The following CCDC88C variants were observed in gnomAD, a reference collection of about 807,000 sequenced individuals.
CCDC88C encodes the protein protein Daple.
In CCDC88C, 131 loss-of-function variants were observed where a neutral mutation model predicts 198.8. The ratio of observed to expected loss-of-function variants is 0.66; its 90% CI spans 0.57 to 0.76. The LOEUF is 0.76. CCDC88C is among the 30% of genes least tolerant of loss of function. The pLI, the probability that CCDC88C is intolerant of heterozygous loss-of-function variation, is 0.00. For missense variants in CCDC88C, 2,553 were observed against 2,631.6 expected (o/e 0.97, Z 0.65); for synonymous variants, 1,166 against 1,114.7 (o/e 1.05, Z -0.92).
intron 10 of CCDC88C, among the ~76,000 whole-genome samples, chr14:91,332,563 C>T (rs560403122): frequency 3.3e-5 from 5 of 152,350 alleles, no homozygotes; most frequent in South Asian, 2.1e-4. Flanking sequence ...GCTCTCCCTT[C>T]GGTGATGCAC....
rs182447853 is a variant in CCDC88C, at chr14:91,304,603, G to A, written c.3358-625C>T. Among the ~76,000 whole-genome samples, 6 of 151,778 alleles carry A rather than the reference G, an allele frequency of 4.0e-5. No homozygotes were observed. The East Asian group carries it at 1.2e-3, about 30-fold the overall frequency. On this transcript the variant is annotated intron_variant, in intron 19 of 29. Transcript: ENST00000389857. ...AACCCTGTCTCTTACAATGAAAACA[G>A]AACCTATTTTCTAGAACAAGTATAC...
intron 4 of CCDC88C, among the ~76,000 whole-genome samples, chr14:91,357,692 C>T (rs1894102533): frequency 1.3e-5 from 2 of 152,268 alleles, no homozygotes; most frequent in Admixed American, 1.3e-4. Context: ...CCCAAATAAA[C>T]TAGGAAGGTG....
At chr14:91,282,201 G>A (rs1431950612) in intron 26 of CCDC88C, among the ~76,000 whole-genome samples, 1 of 152,190 alleles carries the variant, frequency 6.6e-6, no homozygotes, top group Non-Finnish European at 1.5e-5. Context: ...TGGAGTGGGA[G>A]GGTCCCTTGA....
chr14:91,368,135 CTT>C (rs1355178105), intron 3 of CCDC88C, among the ~76,000 whole-genome samples: 11 of 152,164 alleles, frequency 7.2e-5, no homozygotes, highest in Admixed American at 3.3e-4. Context: ...TTAAAAACCT[CTT>C]TTGTGGAGGA....
chr14:91,379,701 C>A, intron 3 of CCDC88C: 1 of 625,036 alleles, frequency 1.6e-6, no homozygotes, highest in South Asian at 1.9e-5. Context: ...GTCAGTGCCA[C>A]TCCCAGAAGA....
At position 91,339,737 on chromosome 14, in the gene CCDC88C, G is replaced by T; in HGVS notation, c.624+147C>A. On this transcript the variant is annotated intron_variant, in intron 7 of 29. Transcript: ENST00000389857. This position sits in a 1 kb window ranked among gnomAD's most constrained non-coding sequence, Gnocchi z 5.8. ...CCCGAGGTGACCATGCACTGCAGGG[G>T]CCGTAACCAGGGAAAGCACGCACGT... The T allele has an allele frequency of 9.6e-7, 1 of 1,044,584 alleles. No homozygotes were observed. Among genetic ancestry groups the T allele is most frequent in the Non-Finnish European group, 1.3e-6 (1 of 741,814 alleles). 64.7% of individuals were successfully genotyped at this position (1,044,584 alleles called of 1,614,324 possible). A position where few individuals can be genotyped will look rare whatever the true frequency, so the allele number is the denominator to read the frequency against.
intron 16 of CCDC88C, 56 bp from the exon 17 acceptor site, chr14:91,308,548 C>A: frequency 6.4e-7 from 1 of 1,556,762 alleles, no homozygotes; most frequent in Non-Finnish European, 8.8e-7. Context: ...CCGCAAGTTC[C>A]CAGTGTCCTC....
chr14:91,350,877 T>C (rs1469184952), intron 4 of CCDC88C, among the ~76,000 whole-genome samples: 1 of 152,046 alleles, frequency 6.6e-6, no homozygotes, highest in African/African-American at 2.4e-5. Context: ...CTAAAAGCAA[T>C]CCCCCGAGGA....
intron 3 of CCDC88C, among the ~76,000 whole-genome samples, chr14:91,388,102 T>A (rs1885255451): frequency 6.6e-6 from 1 of 152,218 alleles, no homozygotes; most frequent in Admixed American, 6.5e-5. Context: ...CCATCAGGAC[T>A]TGCTCTGAAA....
Position 91,313,426 on chromosome 14 carries a change from T to C in CCDC88C, c.2390A>G (p.Gln797Arg). The C allele has an allele frequency of 1.9e-6, 3 of 1,607,534 alleles. No individual in the cohort carries two copies. The highest frequency in any genetic ancestry group is 2.5e-6 in the Non-Finnish European group (3 of 1,179,646). ...SELGELEAERQALRRDLEALR... is the reference protein window; with the variant it reads ...SELGELEAERRALRRDLEALR... ...GGCCTCCAGGTCCCGCCGCAGCGCC[T>C]GGCGCTCAGCCTCCAGCTCGCCCAG... The change falls in exon 15 of 30, where the codon CAG becomes CGG. Residue 797 changes from glutamine (Q) to arginine (R), a missense_variant. By Grantham distance (43) the Gln-to-Arg change is conservative. Transcript: ENST00000389857. The surrounding 1 kb of genome is among the most constrained non-coding windows in gnomAD (Gnocchi z 5.2).
chr14:91,311,714 C>T (rs1567067792), intron 15 of CCDC88C, among the ~76,000 whole-genome samples: 1 of 152,226 alleles, frequency 6.6e-6, no homozygotes, highest in African/African-American at 2.4e-5. Flanking sequence ...CTCACCCCAG[C>T]ATACTAAACA....
Position 91,272,997 on chromosome 14 carries a change from G to T in CCDC88C, c.5715C>A (p.Ala1905=). 1.3e-6 allele frequency: 2 copies of T among 1,553,292 alleles called. No individual in the cohort carries two copies. The highest frequency in any genetic ancestry group is 1.7e-6 in the Non-Finnish European group (2 of 1,154,606). ...RLAPLHQSAT[A]PAIATAGAGA... ...CAGCACCTGCAGTGGCAATGGCGGGGGCTGTGGCAGACTGATGCAGGGGGG... is the reference window on the plus strand; with the variant it reads ...CAGCACCTGCAGTGGCAATGGCGGGTGCTGTGGCAGACTGATGCAGGGGGG... Residue 1905 remains alanine (A), a synonymous_variant, in exon 30 of 30, where the codon GCC becomes GCA. Transcript: ENST00000389857.
Position 91,273,752 on chromosome 14 carries a change from T to A in CCDC88C, c.5059-99A>T. The stretch of plus-strand genomic sequence containing the variant: ...GACGCCCCCGAGCAGCCCACGTGGC[T>A]GGGACCGCAGTTCCTGCCTGCCTTC... On this transcript the variant is annotated intron_variant, in intron 29 of 29. Transcript: ENST00000389857. This position sits in a 1 kb window ranked among gnomAD's most constrained non-coding sequence, Gnocchi z 5.6. The A allele has an allele frequency of 1.9e-6, 2 of 1,055,326 alleles. No individual in the cohort carries two copies. The highest frequency in any genetic ancestry group is 2.6e-6 in the Non-Finnish European group (2 of 784,248). The allele number at this position is 1,055,326 out of a possible 1,614,324, so 65.4% of individuals were successfully genotyped here.
intron 23 of CCDC88C, among the ~76,000 whole-genome samples, chr14:91,292,253 C>T (rs532280285): frequency 6.6e-6 from 1 of 152,316 alleles, no homozygotes; most frequent in East Asian, 1.9e-4. Flanking sequence ...TTGAGTGCTT[C>T]ATGGCTGGGG....
At chr14:91,281,054 AC>A in intron 27 of CCDC88C, 1 of 424,056 alleles carries the variant, frequency 2.4e-6, no homozygotes, top group Non-Finnish European at 4.8e-6. Context: ...GAATCCAATG[AC>A]AAGTGCTTCT....
chr14:91,272,801 G>A lies in CCDC88C; in HGVS notation c.5911C>T (p.Gln1971Ter), dbSNP rs1228668439. The change falls in exon 30 of 30, where the codon CAG becomes TAG. Residue 1971 changes from glutamine (Q) to a stop codon, truncating the protein, a stop_gained. Coordinates refer to ENST00000389857, the MANE Select transcript of CCDC88C (RefSeq NM_001080414.4). LOFTEE classifies it high-confidence loss of function. ...SLSEGDGVPGQGCSEGLPAKS... is the reference protein window; with the variant it reads ...SLSEGDGVPG The stretch of plus-strand genomic sequence containing the variant: ...GCCGGAAGCCCCTCACTGCAGCCCT[G>A]CCCCGGGACCCCGTCTCCCTCTGAG... 6.2e-7 allele frequency: 1 copy of A among 1,600,490 alleles called. No individual in the cohort carries two copies. Among genetic ancestry groups the A allele is most frequent in the South Asian group, 1.1e-5 (1 of 90,316 alleles).
In CCDC88C at chr14:91,290,670, T is replaced by C. The variant is rs190441859; in HGVS notation, c.4202+325A>G. ...GGAACATGGGTGTCCAGGTCATGTT[T>C]AATCCTGAGACGAAAACCTGACAAG... is the stretch of plus-strand genomic sequence containing the variant. On this transcript the variant is annotated intron_variant, in intron 24 of 29. Coordinates refer to ENST00000389857, the MANE Select transcript of CCDC88C (RefSeq NM_001080414.4). Among the ~76,000 whole-genome samples the C allele has an allele frequency of 2.6e-5, 4 of 152,346 alleles. No homozygotes were observed. The East Asian group carries it at 7.7e-4, about 29-fold the overall frequency.
chr14:91,324,853 T>C lies in CCDC88C; in HGVS notation c.1268A>G (p.Lys423Arg). The C allele has an allele frequency of 6.2e-7, 1 of 1,613,864 alleles. No individual in the cohort carries two copies. The highest frequency in any genetic ancestry group is 8.5e-7 in the Non-Finnish European group (1 of 1,179,888). Reference protein sequence around the residue: ...EENMVLEIAQKQSMNESAHLG... With the variant: ...EENMVLEIAQRQSMNESAHLG... The stretch of plus-strand genomic sequence containing the variant: ...GTGGGCAGATTCGTTCATGCTCTGC[T>C]TCTGTGCAATCTCAAGGACCATGTT... The change falls in exon 12 of 30, where the codon AAG (lysine) becomes AGG (arginine). Residue 423 changes from lysine (K) to arginine (R), a missense_variant. Transcript: ENST00000389857.
At chr14:91,337,332 A>G (rs1171170903) in intron 10 of CCDC88C, among the ~76,000 whole-genome samples, 1 of 152,230 alleles carries the variant, frequency 6.6e-6, no homozygotes, top group African/African-American at 2.4e-5. Context: ...AGCCATAACA[A>G]TAATTCCTAT....
Sources: gnomAD v4.1 joint callset for allele counts (sites outside exome capture counted in the v4.1 genomes callset) on GRCh38, gnomAD v4.1.1 for gene constraint, Gnocchi (gnomAD v3.1) non-coding constraint, MANE v1.5 for transcripts, NCBI Gene and HGNC (gene_info 2026-07-23, HGNC 2026-07-21) for gene names.